The following PDE1A variants were observed in gnomAD, a reference collection of about 807,000 sequenced individuals.
PDE1A encodes dual specificity calcium/calmodulin-dependent 3',5'-cyclic nucleotide phosphodiesterase 1A.
Under a neutral mutation model 61.7 loss-of-function variants are expected in PDE1A, and 35 were observed. The ratio of observed to expected loss-of-function variants is 0.57; its 90% CI spans 0.43 to 0.75. PDE1A has a LOEUF of 0.75. Among genes scored for constraint, PDE1A ranks in the 30% least tolerant of loss-of-function variants. The pLI, the probability that PDE1A is intolerant of heterozygous loss-of-function variation, is 0.00. For missense variants in PDE1A, 597 were observed against 630.6 expected (o/e 0.95, Z 0.57); for synonymous variants, 232 against 213.2 (o/e 1.09, Z -0.77).
intron 2 of PDE1A, among the ~76,000 whole-genome samples, chr2:182,452,584 T>C (rs1014606766): frequency 6.6e-6 from 1 of 152,138 alleles, no homozygotes; most frequent in African/African-American, 2.4e-5. Flanking sequence ...ATCTTTTTTC[T>C]GCTCAGTGAA....
chr2:182,648,672 C>T, the PDE1A span, among the ~76,000 whole-genome samples: 1 of 149,842 alleles, frequency 6.7e-6, no homozygotes, highest in African/African-American at 2.5e-5. Flanking sequence ...CTGCACTCAG[C>T]CTGGGTGGCA....
At chr2:182,400,829 C>T (rs188033927) in intron 1 of PDE1A, among the ~76,000 whole-genome samples, 161 of 152,310 alleles carry the variant, frequency 1.1e-3, no homozygotes, top group Non-Finnish European at 1.7e-3. Context: ...CTGCTCTAAA[C>T]TCGTCACAGA....
chr2:182,314,823 G>A (rs1189679410), intron 1 of PDE1A, among the ~76,000 whole-genome samples: 1 of 151,730 alleles, frequency 6.6e-6, no homozygotes, highest in Non-Finnish European at 1.5e-5. Context: ...TTTTATGCAT[G>A]CAATGTATTA....
At chr2:182,593,208 A>C in the PDE1A span, among the ~76,000 whole-genome samples, 1 of 152,328 alleles carries the variant, frequency 6.6e-6, no homozygotes, top group Middle Eastern at 3.4e-3. Flanking sequence ...CTGTACTTGC[A>C]GTGTCATCCC....
At chr2:182,185,368 T>A (rs907540611) in intron 13 of PDE1A, among the ~76,000 whole-genome samples, 2 of 152,204 alleles carry the variant, frequency 1.3e-5, no homozygotes, top group Non-Finnish European at 2.9e-5. Context: ...GCAGCTAATA[T>A]GTCAGAAATA....
At chr2:182,206,114 T>C (rs1180739928) in intron 7 of PDE1A, 49 bp from the exon 8 acceptor site, 1 of 1,493,392 alleles carries the variant, frequency 6.7e-7, no homozygotes, top group Admixed American at 1.9e-5. Flanking sequence ...TTAGACATCA[T>C]GAATGTCTAA....
the PDE1A span, among the ~76,000 whole-genome samples, chr2:182,579,601 G>A: frequency 6.6e-6 from 1 of 152,300 alleles, no homozygotes; most frequent in South Asian, 2.1e-4. Flanking sequence ...CAAGGGCTAT[G>A]AGTATATAGA....
chr2:182,392,417 AT>A, intron 1 of PDE1A, among the ~76,000 whole-genome samples: 2 of 152,334 alleles, frequency 1.3e-5, no homozygotes, highest in Non-Finnish European at 2.9e-5. Flanking sequence ...ACACTTGGGA[AT>A]TTTGGGAGCT....
At chr2:182,598,326 T>C in the PDE1A span, among the ~76,000 whole-genome samples, 10 of 152,210 alleles carry the variant, frequency 6.6e-5, no homozygotes, top group East Asian at 1.9e-3. Flanking sequence ...AATTCCAGCA[T>C]ATTGGGAGGC....
the PDE1A span, among the ~76,000 whole-genome samples, chr2:182,619,532 G>T: frequency 6.6e-6 from 1 of 152,046 alleles, no homozygotes; most frequent in Non-Finnish European, 1.5e-5. Context: ...GTGCCTACAT[G>T]GAAATATTTC....
chr2:182,670,743 A>T, the PDE1A span, among the ~76,000 whole-genome samples: 1 of 152,216 alleles, frequency 6.6e-6, no homozygotes, highest in Non-Finnish European at 1.5e-5. Flanking sequence ...CATAAGAATC[A>T]CCTGAGAAAT....
At chr2:182,143,168 A>T (rs908309122), downstream of PDE1A, 1 of 152,234 alleles carries the variant, frequency 6.6e-6, no homozygotes. Flanking sequence ...ACTGTAAAAC[A>T]TGGTTACTGT....
intron 1 of PDE1A, among the ~76,000 whole-genome samples, chr2:182,351,826 T>A (rs1698899059): frequency 6.6e-6 from 1 of 152,152 alleles, no homozygotes; most frequent in Admixed American, 6.6e-5. Context: ...CATAATTAAT[T>A]GATGTTAATA....
At chr2:182,282,294 G>A (rs1693860975) in intron 1 of PDE1A, among the ~76,000 whole-genome samples, 1 of 151,910 alleles carries the variant, frequency 6.6e-6, no homozygotes, top group Admixed American at 6.6e-5. Flanking sequence ...TCATTGTCAG[G>A]AAAAGTCACT....
At chr2:182,440,116 C>A (rs557634374) in intron 2 of PDE1A, among the ~76,000 whole-genome samples, 2 of 152,192 alleles carry the variant, frequency 1.3e-5, no homozygotes, top group Admixed American at 1.3e-4. Flanking sequence ...TCTCATATAT[C>A]CTCCTCTTCC....
At chr2:182,500,951 C>T (rs907104209) in intron 2 of PDE1A, among the ~76,000 whole-genome samples, 4 of 152,172 alleles carry the variant, frequency 2.6e-5, no homozygotes, top group Non-Finnish European at 4.4e-5. Flanking sequence ...AATTTTGTAT[C>T]ATTGTTTTAT....
the PDE1A span, among the ~76,000 whole-genome samples, chr2:182,602,963 G>A: frequency 4.7e-5 from 7 of 150,070 alleles, no homozygotes; most frequent in East Asian, 1.9e-4. Context: ...GCTGACACTC[G>A]GGTTGCCCTA....
At chr2:182,653,274 A>G in the PDE1A span, among the ~76,000 whole-genome samples, 1 of 152,146 alleles carries the variant, frequency 6.6e-6, no homozygotes, top group Non-Finnish European at 1.5e-5. Flanking sequence ...AGGGGAACCA[A>G]TTCTGTTTCC....
chr2:182,502,621 T>C (rs1468712023), intron 2 of PDE1A, among the ~76,000 whole-genome samples: 1 of 152,216 alleles, frequency 6.6e-6, no homozygotes, highest in Non-Finnish European at 1.5e-5. Flanking sequence ...AGCATGGATT[T>C]AAAAGAGGTT....
Sources: gnomAD v4.1 joint callset for allele counts (sites outside exome capture counted in the v4.1 genomes callset) on GRCh38, gnomAD v4.1.1 for gene constraint, MANE v1.5 for transcripts, NCBI Gene and HGNC (gene_info 2026-07-23, HGNC 2026-07-21) for gene names.